Variants in RAD51B observed in about 807,000 individuals in gnomAD.
The protein encoded by RAD51B is DNA repair protein RAD51 homolog 2.
A neutral mutation model predicts 42.2 loss-of-function variants in RAD51B; 38 were observed. That is an observed-to-expected ratio of 0.90 (90% CI 0.70 to 1.18). The LOEUF (loss-of-function observed/expected upper bound fraction) is 1.18. Among genes scored for constraint, RAD51B ranks in the 50% most tolerant of loss-of-function variants. The probability of loss-of-function intolerance (pLI) is 0.00; values close to 1 mark genes in which losing one functional copy is unlikely to be tolerated. For missense variants in RAD51B, 373 were observed against 400.7 expected, an observed-to-expected ratio of 0.93 and a Z score of 0.59; for synonymous variants, 154 against 145.2, an observed-to-expected ratio of 1.06 and a Z score of -0.43.
chr14:68,387,031 AT>A (rs2083609075), intron 8 of RAD51B: 1 of 152,328 alleles, frequency 6.6e-6, no homozygotes, highest in South Asian at 2.1e-4. Flanking sequence ...TCACCAAGTG[AT>A]TTGGGTTTTT....
chr14:67,868,107 C>T (rs2042385438), intron 5 of RAD51B, among the ~76,000 whole-genome samples: 1 of 152,166 alleles, frequency 6.6e-6, no homozygotes, highest in East Asian at 1.9e-4. Flanking sequence ...AGGAACAGCT[C>T]TGGTCTACAG....
chr14:68,646,015 T>G (rs1251847556), intron 10 of RAD51B, among the ~76,000 whole-genome samples: 1 of 152,154 alleles, frequency 6.6e-6, no homozygotes, highest in East Asian at 1.9e-4. Context: ...ACAAATTTAT[T>G]CTAAAACAGT....
chr14:67,934,265 A>G (rs1404330820), intron 7 of RAD51B, among the ~76,000 whole-genome samples: 1 of 152,208 alleles, frequency 6.6e-6, no homozygotes, highest in Admixed American at 6.5e-5. Flanking sequence ...CTGTGAGAGC[A>G]GCTGGTGGCA....
exon 11 of RAD51B, chr14:68,594,763 C>T (rs748652772): frequency 1.3e-4 from 163 of 1,263,364 alleles, no homozygotes; most frequent in Non-Finnish European, 1.6e-4. Context: ...CATCCAATGG[C>T]CACTGGAGAT....
At position 68,456,869 on chromosome 14, in the gene RAD51B, A is replaced by ATTTTTTTTTT. The variant is rs71129889; in HGVS notation, c.958-11260_958-11251dup. ...AAACTTCTCCAATCACAATGGAATG[A>ATTTTTTTTTT]TTTTTTTTTTTTTTTTTTTTTTTTT... is the stretch of plus-strand genomic sequence containing the variant. On this transcript the variant is annotated intron_variant, in intron 9 of 10. Transcript: ENST00000471583. Among the ~76,000 whole-genome samples, 2 of 66,460 alleles carry ATTTTTTTTTT rather than the reference A, an allele frequency of 3.0e-5. 1 individual carries two copies. The highest frequency in any genetic ancestry group is 6.1e-5 in the Non-Finnish European group (2 of 32,922). 43.6% of individuals were successfully genotyped at this position (66,460 alleles called of 152,430 possible). A position where few individuals can be genotyped will look rare whatever the true frequency, so the allele number is the denominator to read the frequency against.
chr14:68,358,749 G>A (rs986689604), intron 8 of RAD51B, among the ~76,000 whole-genome samples: 1 of 152,158 alleles, frequency 6.6e-6, no homozygotes, highest in Admixed American at 6.5e-5. Flanking sequence ...GATCTGGACT[G>A]TAAATTATTC....
At chr14:68,283,970 C>T (rs2081368981) in intron 7 of RAD51B, among the ~76,000 whole-genome samples, 1 of 152,266 alleles carries the variant, frequency 6.6e-6, no homozygotes, top group Non-Finnish European at 1.5e-5. Context: ...GGAAGCACTA[C>T]TTGCGTCAGC....
chr14:68,635,876 G>T (rs993317350), intron 10 of RAD51B, among the ~76,000 whole-genome samples: 2 of 152,184 alleles, frequency 1.3e-5, no homozygotes, highest in Admixed American at 1.3e-4. Flanking sequence ...TTACAACTTT[G>T]CTCTGAGTCT....
intron 8 of RAD51B, among the ~76,000 whole-genome samples, chr14:68,296,450 C>T (rs1475960082): frequency 6.6e-6 from 1 of 152,200 alleles, no homozygotes; most frequent in Non-Finnish European, 1.5e-5. Context: ...GCCAATTCTT[C>T]CTTATGGTCA....
In RAD51B at chr14:67,841,567, G is replaced by A. The variant is rs564815933; in HGVS notation, c.315+6371G>A. On this transcript the variant is annotated intron_variant, in intron 4 of 10. Coordinates refer to ENST00000471583, the MANE Select transcript of RAD51B (RefSeq NM_133510.4). ...ATGGGTTGGGTCTTAGATTTAAATT[G>A]TTGATCCATCTTGAGTTAATTTTTG... Among the ~76,000 whole-genome samples, 25 of 152,242 alleles carry A rather than the reference G, an allele frequency of 1.6e-4. No homozygotes were observed. The South Asian group carries it at 5.2e-3, about 32-fold the overall frequency.
chr14:68,579,322 C>T (rs1890108004), intron 10 of RAD51B, among the ~76,000 whole-genome samples: 1 of 152,164 alleles, frequency 6.6e-6, no homozygotes, highest in African/African-American at 2.4e-5. Context: ...ACTTCTCAGA[C>T]AGTGAATTGA....
intron 10 of RAD51B, among the ~76,000 whole-genome samples, chr14:68,521,004 A>C (rs945803726): frequency 6.3e-4 from 96 of 152,162 alleles, no homozygotes; most frequent in African/African-American, 2.2e-3. Flanking sequence ...GGGCACATGG[A>C]GCGTTTTGTT....
At chr14:68,086,971 A>G (rs1199534347) in intron 7 of RAD51B, among the ~76,000 whole-genome samples, 1 of 151,970 alleles carries the variant, frequency 6.6e-6, no homozygotes, top group East Asian at 1.9e-4. Flanking sequence ...CCTCATCTCT[A>G]CTAAAAATAC....
At chr14:68,495,855 C>G (rs1884472256) in intron 10 of RAD51B, among the ~76,000 whole-genome samples, 1 of 152,278 alleles carries the variant, frequency 6.6e-6, no homozygotes, top group South Asian at 2.1e-4. Context: ...CTCAAGGGAC[C>G]CTCAGCCTCA....
At chr14:68,374,688 T>C (rs1288187157) in intron 8 of RAD51B, among the ~76,000 whole-genome samples, 1 of 151,096 alleles carries the variant, frequency 6.6e-6, no homozygotes, top group Admixed American at 6.6e-5. Flanking sequence ...CGCCTCATTA[T>C]AGATGTGTCA....
chr14:68,644,739 G>C (rs1892530891), intron 10 of RAD51B, among the ~76,000 whole-genome samples: 1 of 151,892 alleles, frequency 6.6e-6, no homozygotes, highest in Non-Finnish European at 1.5e-5. Context: ...ATCAGGCACT[G>C]GTTTGTCGTT....
chr14:68,514,846 C>T (rs1046826024), intron 10 of RAD51B, among the ~76,000 whole-genome samples: 1 of 152,224 alleles, frequency 6.6e-6, no homozygotes, highest in Non-Finnish European at 1.5e-5. Flanking sequence ...GATCCTATCT[C>T]ACTGGCTGTT....
intron 10 of RAD51B, among the ~76,000 whole-genome samples, chr14:68,624,474 A>G (rs1157007946): frequency 6.6e-6 from 1 of 152,172 alleles, no homozygotes; most frequent in Non-Finnish European, 1.5e-5. Context: ...ATGCCAGAGC[A>G]TGAAGTGGGG....
At chr14:67,965,834 G>C (rs1373994955) in intron 7 of RAD51B, among the ~76,000 whole-genome samples, 1 of 152,078 alleles carries the variant, frequency 6.6e-6, no homozygotes, top group African/African-American at 2.4e-5. Flanking sequence ...ATTTTACAAA[G>C]AGTACTCTTG....
Sources: gnomAD v4.1 joint callset for allele counts (sites outside exome capture counted in the v4.1 genomes callset) on GRCh38, gnomAD v4.1.1 for gene constraint, MANE v1.5 for transcripts, NCBI Gene and HGNC (gene_info 2026-07-23, HGNC 2026-07-21) for gene names.